The following TMEM232 variants were observed in gnomAD, a reference collection of about 807,000 sequenced individuals.
The protein encoded by TMEM232 is transmembrane protein 232.
TMEM232 carries 80 observed loss-of-function variants against 78.8 expected under a neutral mutation model. The observed-to-expected ratio is 1.01, with a 90% CI of 0.85 to 1.22. TMEM232 has a LOEUF of 1.22. Among genes scored for constraint, TMEM232 ranks in the 50% most tolerant of loss-of-function variants. TMEM232 has a pLI of 0.00. For missense variants in TMEM232, 881 were observed against 742.2 expected (o/e 1.19, Z -2.17); for synonymous variants, 297 against 254.3 (o/e 1.17, Z -1.60).
intron 10 of TMEM232, among the ~76,000 whole-genome samples, chr5:110,586,809 A>T (rs531519162): frequency 6.6e-6 from 1 of 152,226 alleles, no homozygotes; most frequent in South Asian, 2.1e-4. Flanking sequence ...GGGTGAGTTT[A>T]TGTTACTCCT....
At chr5:110,398,516 G>T (rs1284763925) in intron 2 of TMEM232, among the ~76,000 whole-genome samples, 1 of 152,086 alleles carries the variant, frequency 6.6e-6, no homozygotes, top group Non-Finnish European at 1.5e-5. Context: ...TTCTTGCCAT[G>T]GACAGATCTG....
chr5:110,567,815 T>A (rs1039462313), intron 11 of TMEM232, among the ~76,000 whole-genome samples: 6 of 151,972 alleles, frequency 3.9e-5, no homozygotes, highest in African/African-American at 1.4e-4. Context: ...GTCACTGAAC[T>A]AGACAAGGGA....
intron 8 of TMEM232, among the ~76,000 whole-genome samples, chr5:110,613,455 G>A (rs1326879950): frequency 1.3e-5 from 2 of 151,904 alleles, no homozygotes; most frequent in Admixed American, 6.6e-5. Flanking sequence ...TTTAAATCTC[G>A]GAACATTTGT....
intron 8 of TMEM232, among the ~76,000 whole-genome samples, chr5:110,610,220 GAGGGAGGGAAAAAGAA>G (rs1782023005): frequency 8.6e-6 from 1 of 116,864 alleles, no homozygotes; most frequent in Non-Finnish European, 1.7e-5. Flanking sequence ...GGAAGGAAGG[GAGGGAGGGAAAAAGAA>G]AGGAAGGAAG....
At chr5:110,613,003 C>CT (rs1444591100) in intron 8 of TMEM232, among the ~76,000 whole-genome samples, 38 of 152,304 alleles carry the variant, frequency 2.5e-4, no homozygotes, top group African/African-American at 7.7e-4. Flanking sequence ...CAGCAAGCTG[C>CT]TTATCTCCAG....
intron 12 of TMEM232, among the ~76,000 whole-genome samples, chr5:110,492,215 TA>T (rs531082484): frequency 8.7e-4 from 131 of 151,212 alleles, no homozygotes; most frequent in Non-Finnish European, 1.2e-3. Context: ...ATAATAAAAT[TA>T]AAAAAAGAAT....
intron 8 of TMEM232, among the ~76,000 whole-genome samples, chr5:110,607,043 A>G (rs1781624464): frequency 6.6e-6 from 1 of 152,018 alleles, no homozygotes; most frequent in Non-Finnish European, 1.5e-5. Context: ...GATTATTTGA[A>G]TTTCACAACT....
At chr5:110,673,127 A>T (rs1791578689) in intron 1 of TMEM232, among the ~76,000 whole-genome samples, 1 of 152,208 alleles carries the variant, frequency 6.6e-6, no homozygotes, top group Admixed American at 6.5e-5. Context: ...GCAGCCATAA[A>T]AAATGATGAG....
chr5:110,616,212 C>T (rs1350793591), intron 8 of TMEM232, among the ~76,000 whole-genome samples: 1 of 151,964 alleles, frequency 6.6e-6, no homozygotes, highest in Non-Finnish European at 1.5e-5. Flanking sequence ...ACGGCAATTG[C>T]ATACAGACAC....
At chr5:110,536,930 T>G (rs1456652344) in intron 11 of TMEM232, among the ~76,000 whole-genome samples, 1 of 152,176 alleles carries the variant, frequency 6.6e-6, no homozygotes, top group Non-Finnish European at 1.5e-5. Context: ...ACACTCATAA[T>G]GGGTCATCAG....
intron 12 of TMEM232, among the ~76,000 whole-genome samples, chr5:110,453,137 T>C (rs1760503212): frequency 6.6e-6 from 1 of 152,142 alleles, no homozygotes; most frequent in Admixed American, 6.5e-5. Context: ...AGAATGTTTA[T>C]CTTAGAAAGA....
At chr5:110,736,610 C>T (rs1463005279) in intron 1 of TMEM232, among the ~76,000 whole-genome samples, 3 of 152,086 alleles carry the variant, frequency 2.0e-5, no homozygotes, top group Non-Finnish European at 4.4e-5. Flanking sequence ...CCCTTCTCAT[C>T]TCCATTACAC....
chr5:110,721,449 T>C (rs1472078179), intron 1 of TMEM232, among the ~76,000 whole-genome samples: 2 of 151,458 alleles, frequency 1.3e-5, no homozygotes, highest in Non-Finnish European at 2.9e-5. Context: ...ATAACGGACA[T>C]TCAGTGCCCA....
chr5:110,547,923 G>C (rs192388477), intron 11 of TMEM232, among the ~76,000 whole-genome samples: 2 of 150,684 alleles, frequency 1.3e-5, no homozygotes, highest in African/African-American at 4.9e-5. Flanking sequence ...GCTTGAACCC[G>C]GGAGGCGAAG....
At chr5:110,421,865 G>T (rs1461445659) in intron 13 of TMEM232, among the ~76,000 whole-genome samples, 5 of 152,044 alleles carry the variant, frequency 3.3e-5, no homozygotes, top group African/African-American at 1.2e-4. Context: ...TTATTCCCAG[G>T]TGAGTTTTAA....
At chr5:110,583,682 AAC>A (rs1778460186) in intron 10 of TMEM232, among the ~76,000 whole-genome samples, 1 of 152,088 alleles carries the variant, frequency 6.6e-6, no homozygotes, top group African/African-American at 2.4e-5. Context: ...AGAAAAAATC[AAC>A]AGAGTAAAAT....
chr5:110,481,599 T>A (rs148073606), intron 12 of TMEM232, among the ~76,000 whole-genome samples: 141 of 152,272 alleles, frequency 9.3e-4, no homozygotes, highest in Non-Finnish European at 1.1e-3. Context: ...ATGCTCATCA[T>A]GTGCAACATT....
chr5:110,550,141 T>C (rs917410342), intron 11 of TMEM232, among the ~76,000 whole-genome samples: 2 of 152,148 alleles, frequency 1.3e-5, no homozygotes, highest in African/African-American at 4.8e-5. Flanking sequence ...CAATGATTGG[T>C]CAACAAAAGA....
intron 12 of TMEM232, among the ~76,000 whole-genome samples, chr5:110,455,446 C>T (rs537555176): frequency 1.9e-4 from 29 of 151,128 alleles, no homozygotes; most frequent in South Asian, 2.1e-4. Context: ...GGCGCAATCT[C>T]GGCTCACTGC....
Sources: allele counts gnomAD v4.1 joint callset (sites outside exome capture counted in the v4.1 genomes callset), GRCh38; gene constraint gnomAD v4.1.1; transcripts MANE v1.5; gene names NCBI Gene and HGNC (gene_info 2026-07-23, HGNC 2026-07-21).